Variants in SLC14A2 observed in about 807,000 individuals in gnomAD.
SLC14A2 encodes the protein solute carrier family 14 member 2, also known as urea transporter 2.
A neutral mutation model predicts 104.6 loss-of-function variants in SLC14A2; 91 were observed. That is an observed-to-expected ratio of 0.87 (90% confidence interval 0.73 to 1.04). The LOEUF (loss-of-function observed/expected upper bound fraction) is 1.04. Ranked by LOEUF, SLC14A2 falls within the 50% of genes least tolerant of loss-of-function variation. SLC14A2 has a pLI of 0.00. For synonymous variants in SLC14A2, 476 were observed against 466.4 expected (o/e 1.02, Z -0.27); for missense variants, 1,189 against 1,156.0 (o/e 1.03, Z -0.41).
chr18:45,453,520 C>A (rs1310555260), intron 1 of SLC14A2, among the ~76,000 whole-genome samples: 1 of 152,052 alleles, frequency 6.6e-6, no homozygotes, highest in Non-Finnish European at 1.5e-5. Flanking sequence ...CAGATTGGAG[C>A]CCATAGCAAA....
chr18:45,525,797 A>T (rs2043587783), intron 2 of SLC14A2, among the ~76,000 whole-genome samples: 1 of 152,198 alleles, frequency 6.6e-6, no homozygotes, highest in Non-Finnish European at 1.5e-5. Flanking sequence ...TGCAATAGCA[A>T]CTCCCCATTT....
intron 1 of SLC14A2, among the ~76,000 whole-genome samples, chr18:45,333,402 G>A (rs777243095): frequency 1.3e-5 from 2 of 152,122 alleles, no homozygotes; most frequent in South Asian, 2.1e-4. Flanking sequence ...TCATAATACA[G>A]GTAGGAGCTA....
At chr18:45,519,869 G>A (rs2043492204) in intron 2 of SLC14A2, among the ~76,000 whole-genome samples, 1 of 152,204 alleles carries the variant, frequency 6.6e-6, no homozygotes, top group Non-Finnish European at 1.5e-5. Flanking sequence ...AAGGAAACCA[G>A]AATCAGATGG....
intron 1 of SLC14A2, among the ~76,000 whole-genome samples, chr18:45,264,132 A>G (rs555003915): frequency 2.6e-5 from 4 of 152,348 alleles, no homozygotes; most frequent in East Asian, 3.9e-4. Flanking sequence ...AGATCCATCT[A>G]TCTTCTGTCT....
intron 2 of SLC14A2, among the ~76,000 whole-genome samples, chr18:45,506,849 G>A (rs1428003066): frequency 6.6e-6 from 1 of 152,164 alleles, no homozygotes; most frequent in Admixed American, 6.5e-5. Flanking sequence ...AGGGTACCAT[G>A]GTGTACAAAA....
intron 1 of SLC14A2, among the ~76,000 whole-genome samples, chr18:45,457,991 CAT>C (rs778311709): frequency 1.1e-4 from 16 of 152,160 alleles, no homozygotes; most frequent in Non-Finnish European, 1.9e-4. Context: ...CAGACACACA[CAT>C]GTGAGCCTTC....
chr18:45,207,758 A>T, the SLC14A2 span, among the ~76,000 whole-genome samples: 1 of 152,180 alleles, frequency 6.6e-6, no homozygotes, highest in Non-Finnish European at 1.5e-5. Context: ...GATAGAAATT[A>T]GTTTAGGGTG....
chr18:45,638,764 A>C (rs2045467036), intron 6 of SLC14A2, among the ~76,000 whole-genome samples: 3 of 152,230 alleles, frequency 2.0e-5, no homozygotes, highest in African/African-American at 7.2e-5. Flanking sequence ...AAAGAACTAC[A>C]GAGTCTTAAA....
At chr18:45,203,159 TGACAGACCCACGTTA>T in the SLC14A2 span, among the ~76,000 whole-genome samples, 1 of 152,116 alleles carries the variant, frequency 6.6e-6, no homozygotes, top group African/African-American at 2.4e-5. Flanking sequence ...TCTCCTGAAA[TGACAGACCCACGTTA>T]GTGCTGAGGG....
chr18:45,292,498 C>G (rs908646274), intron 1 of SLC14A2, among the ~76,000 whole-genome samples: 2 of 152,172 alleles, frequency 1.3e-5, no homozygotes, highest in African/African-American at 4.8e-5. Flanking sequence ...TTAGTGGAGC[C>G]TTTTCATTTA....
At chr18:45,364,276 A>C (rs946637204) in intron 1 of SLC14A2, among the ~76,000 whole-genome samples, 17 of 152,218 alleles carry the variant, frequency 1.1e-4, no homozygotes, top group African/African-American at 3.9e-4. Flanking sequence ...GAAGGCAATT[A>C]ATAAGCATTA....
chr18:45,215,560 G>A (rs2084002587), intron 1 of SLC14A2, among the ~76,000 whole-genome samples: 1 of 152,238 alleles, frequency 6.6e-6, no homozygotes. Context: ...TGACTCTGGA[G>A]AGGATATTAG....
chr18:45,377,952 T>C (rs2085793014), intron 1 of SLC14A2, among the ~76,000 whole-genome samples: 1 of 152,218 alleles, frequency 6.6e-6, no homozygotes, highest in South Asian at 2.1e-4. Flanking sequence ...TTCCCATTTC[T>C]GTGGCTTGTT....
rs2044822052 is a variant in SLC14A2, at chr18:45,603,557, G to A, written c.-34-21074G>A. Among the ~76,000 whole-genome samples the A allele has an allele frequency of 2.0e-5, 3 of 152,204 alleles. No homozygotes were observed. The South Asian group carries it at 6.2e-4, about 32-fold the overall frequency. On this transcript the variant is annotated intron_variant, in intron 2 of 20. Transcript: ENST00000586448. ...ATGTAGTCTCTAGGGTTACAATCAGGGTATTTCTTCGTCAAAACTGAAACC... is the reference window on the plus strand; with the variant it reads ...ATGTAGTCTCTAGGGTTACAATCAGAGTATTTCTTCGTCAAAACTGAAACC...
intron 1 of SLC14A2, among the ~76,000 whole-genome samples, chr18:45,446,732 T>C (rs1335597468): frequency 6.6e-6 from 1 of 152,166 alleles, no homozygotes; most frequent in Non-Finnish European, 1.5e-5. Flanking sequence ...CTGTGCAGTA[T>C]TGACTGGTCC....
intron 1 of SLC14A2, among the ~76,000 whole-genome samples, chr18:45,261,014 A>G (rs1466906430): frequency 6.6e-6 from 1 of 150,776 alleles, no homozygotes; most frequent in Non-Finnish European, 1.5e-5. Context: ...CTATTCTCTT[A>G]ATTTCTTTTT....
intron 1 of SLC14A2, among the ~76,000 whole-genome samples, chr18:45,221,740 T>C (rs1398115627): frequency 1.3e-5 from 2 of 152,030 alleles, no homozygotes; most frequent in East Asian, 3.9e-4. Context: ...ACAGAAAACA[T>C]GCAAAGGGTT....
chr18:45,407,298 A>T (rs2086166156), intron 1 of SLC14A2, among the ~76,000 whole-genome samples: 1 of 152,166 alleles, frequency 6.6e-6, no homozygotes, highest in Admixed American at 6.5e-5. Context: ...CTCATGACCT[A>T]ACCTCTTCTA....
At position 45,667,870 on chromosome 18, in the gene SLC14A2, C is replaced by G. The variant is rs1304047556; in HGVS notation, c.1755C>G (p.Leu585=). ...TGTTCCAGTTCTTTGACTGGGTCCT[C>G]CGAGGCACATCTCAAGTGATGTTTG... ...SPVFQFFDWV[L]RGTSQVMFVN... Residue 585 remains leucine (L), a synonymous_variant, in exon 14 of 20, where the codon CTC becomes CTG. Coordinates refer to ENST00000255226, the MANE Select transcript of SLC14A2 (RefSeq NM_007163.4). 2.5e-6 allele frequency: 4 copies of G among 1,614,190 alleles called. No homozygotes were observed. Among genetic ancestry groups the G allele is most frequent in the Middle Eastern group, 1.6e-4 (1 of 6,062 alleles).
Sources: gnomAD v4.1 joint callset for allele counts (sites outside exome capture counted in the v4.1 genomes callset) on GRCh38, gnomAD v4.1.1 for gene constraint, MANE v1.5 for transcripts, NCBI Gene and HGNC (gene_info 2026-07-23, HGNC 2026-07-21) for gene names.